Variants in MBTPS1 observed in about 807,000 individuals in gnomAD.
The protein encoded by MBTPS1 is membrane bound transcription factor peptidase, site 1.
MBTPS1 carries 94 observed loss-of-function variants against 127.8 expected under a neutral mutation model. That is an observed-to-expected ratio of 0.74 (90% CI 0.62 to 0.87). The LOEUF (loss-of-function observed/expected upper bound fraction) is 0.87. Ranked by LOEUF, MBTPS1 falls within the 40% of genes least tolerant of loss-of-function variation. MBTPS1 has a pLI of 0.00. For missense variants in MBTPS1, 1,636 were observed against 1,353.2 expected, an observed-to-expected ratio of 1.21 and a Z score of -3.28; for synonymous variants, 632 against 509.4, an observed-to-expected ratio of 1.24 and a Z score of -3.24.
At chr16:84,090,726 G>A in intron 8 of MBTPS1, 149 bp downstream of exon 8, 2 of 638,392 alleles carry the variant, frequency 3.1e-6, no homozygotes, top group Non-Finnish European at 5.6e-6. Flanking sequence ...ACATCCTATA[G>A]TATTTTTTTA....
rs763790234 is a variant in MBTPS1 at position 84,056,027 on chromosome 16, G to A, written c.2940C>T (p.Ser980=). 37 of 1,613,112 alleles carry A rather than the reference G, an allele frequency of 2.3e-5. No homozygotes were observed. The highest frequency in any genetic ancestry group is 1.1e-4 in the African/African-American group (8 of 74,894). The change falls in exon 22 of 23, where the codon AGC becomes AGT. Residue 980 remains serine, a synonymous_variant. Coordinates refer to ENST00000343411, the MANE Select transcript of MBTPS1 (RefSeq NM_003791.4). The part of the protein sequence containing the change: ...PQVRPLSPGE[S]GAWDIPGGIM... ...CACCTCCAGGAATGTCCCAGGCGCC[G>A]CTCTCTCCAGGGGACAAGGGCCTCA...
intron 11 of MBTPS1, among the ~76,000 whole-genome samples, chr16:84,080,023 C>T (rs1413156820): frequency 6.6e-6 from 1 of 152,166 alleles, no homozygotes; most frequent in Non-Finnish European, 1.5e-5. Flanking sequence ...CACAGAGGTG[C>T]ATGACAGGAC....
intron 11 of MBTPS1, 53 bp downstream of exon 11, chr16:84,081,694 G>A (rs1220835105): frequency 3.9e-6 from 5 of 1,279,480 alleles, no homozygotes; most frequent in South Asian, 3.0e-5. Flanking sequence ...GGGAAAATTC[G>A]CCCAGAGCCC....
At chr16:84,105,076 G>A (rs1252300340) in intron 1 of MBTPS1, among the ~76,000 whole-genome samples, 1 of 151,430 alleles carries the variant, frequency 6.6e-6, no homozygotes, top group African/African-American at 2.4e-5. Context: ...CAGCAGTCCC[G>A]CCTGGGTGAC....
intron 19 of MBTPS1, 25 bp downstream of exon 19, chr16:84,063,280 C>T: frequency 1.3e-6 from 2 of 1,594,726 alleles, no homozygotes; most frequent in Non-Finnish European, 1.7e-6. Context: ...GCCGAAGTCA[C>T]AAAGTCCATC....
rs188322054 is a variant in MBTPS1 at position 84,107,661 on chromosome 16, G to C, written c.-324-5554C>G. Among the ~76,000 whole-genome samples the C allele has an allele frequency of 2.9e-4, 44 of 151,974 alleles. No individual in the cohort carries two copies. In the East Asian group the frequency reaches 7.2e-3, roughly 25 times the overall value. ...CCAGTAAATGATGGCAGAGGGACTG[G>C]GGTCCCCAAGGCTGAGCTTATTACC... On this transcript the variant is annotated intron_variant, in intron 1 of 22. Transcript: ENST00000343411.
At chr16:84,113,014 G>A (rs1482299967) in intron 1 of MBTPS1, among the ~76,000 whole-genome samples, 1 of 151,318 alleles carries the variant, frequency 6.6e-6, no homozygotes, top group Non-Finnish European at 1.5e-5. Context: ...ATACTTTCTG[G>A]TAAGAGAGTG....
chr16:84,103,399 T>C (rs867550495), intron 1 of MBTPS1, among the ~76,000 whole-genome samples: 5 of 151,920 alleles, frequency 3.3e-5, no homozygotes, highest in South Asian at 2.1e-4. Context: ...GCTGGGACTA[T>C]AGGCATGCAT....
intron 3 of MBTPS1, among the ~76,000 whole-genome samples, chr16:84,096,890 C>G (rs2086186059): frequency 6.6e-6 from 1 of 152,204 alleles, no homozygotes; most frequent in African/African-American, 2.4e-5. Flanking sequence ...CTTGACCCTG[C>G]ACAGGCCAGA....
intron 15 of MBTPS1, 148 bp from the exon 16 acceptor site, chr16:84,067,971 T>C: frequency 1.5e-6 from 1 of 679,676 alleles, no homozygotes; most frequent in Non-Finnish European, 2.5e-6. Flanking sequence ...TAAAAGGGAC[T>C]AAAAAGTAGA....
At chr16:84,114,783 T>A (rs1470079054) in intron 1 of MBTPS1, among the ~76,000 whole-genome samples, 1 of 141,830 alleles carries the variant, frequency 7.1e-6, no homozygotes, top group African/African-American at 2.8e-5. Flanking sequence ...TGAGCCGAGA[T>A]CCACCACTGC....
intron 1 of MBTPS1, among the ~76,000 whole-genome samples, chr16:84,113,422 C>T (rs1328932352): frequency 6.6e-6 from 1 of 152,174 alleles, no homozygotes; most frequent in Non-Finnish European, 1.5e-5. Context: ...AAATTTTTGA[C>T]ATCAAGTACT....
intron 3 of MBTPS1, among the ~76,000 whole-genome samples, chr16:84,096,183 T>C (rs1396508116): frequency 6.6e-6 from 1 of 152,214 alleles, no homozygotes; most frequent in Non-Finnish European, 1.5e-5. Context: ...AAAATGACCC[T>C]AAGCATTCAT....
At chr16:84,113,661 T>C in intron 1 of MBTPS1, among the ~76,000 whole-genome samples, 1 of 152,234 alleles carries the variant, frequency 6.6e-6, no homozygotes, top group South Asian at 2.1e-4. Flanking sequence ...TGAAATTATC[T>C]CTTTAAAAAT....
intron 19 of MBTPS1, among the ~76,000 whole-genome samples, chr16:84,062,235 C>G (rs1056970659): frequency 1.3e-5 from 2 of 152,168 alleles, no homozygotes; most frequent in African/African-American, 4.8e-5. Context: ...ACTCTCCCAC[C>G]TCAGCCTCCC....
intron 15 of MBTPS1, among the ~76,000 whole-genome samples, 169 bp downstream of exon 15, chr16:84,068,170 C>T (rs573292391): frequency 6.6e-6 from 1 of 152,356 alleles, no homozygotes; most frequent in Admixed American, 6.5e-5. Flanking sequence ...GAATGTCACA[C>T]CGCCACCACC....
At position 84,093,704 on chromosome 16, in the gene MBTPS1, G is replaced by A; in HGVS notation, c.736+7C>T. The A allele has an allele frequency of 6.3e-7, 1 of 1,597,372 alleles. No individual in the cohort carries two copies. The highest frequency in any genetic ancestry group is 8.6e-7 in the Non-Finnish European group (1 of 1,164,890). ...ATGACCACGTTCTCACTGCTGCTGAGACCCACCATCGTCCAGCGTTCGCTC... is the reference window on the plus strand; with the variant it reads ...ATGACCACGTTCTCACTGCTGCTGAAACCCACCATCGTCCAGCGTTCGCTC... On this transcript the variant is annotated splice_region_variant and intron_variant, in intron 5 of 22. Transcript: ENST00000343411.
intron 8 of MBTPS1, among the ~76,000 whole-genome samples, chr16:84,090,258 G>A (rs1490904370): frequency 1.3e-5 from 2 of 152,218 alleles, no homozygotes; most frequent in East Asian, 3.9e-4. Context: ...AACCAGACAG[G>A]AGCGTACTGG....
intron 11 of MBTPS1, 107 bp downstream of exon 11, chr16:84,081,640 G>A: frequency 2.2e-6 from 2 of 899,090 alleles, no homozygotes; most frequent in Non-Finnish European, 3.1e-6. Context: ...AGAATTCTGT[G>A]CTTAGTCATC....
Sources: allele counts gnomAD v4.1 joint callset (sites outside exome capture counted in the v4.1 genomes callset), GRCh38; gene constraint gnomAD v4.1.1; transcripts MANE v1.5; gene names NCBI Gene and HGNC (gene_info 2026-07-23, HGNC 2026-07-21).